Variants in IGSF21 observed in about 807,000 individuals in gnomAD.
The protein encoded by IGSF21 is immunoglobulin superfamily member 21.
IGSF21 carries 28 observed loss-of-function variants against 46.8 expected under a neutral mutation model. The ratio of observed to expected loss-of-function variants is 0.60; its 90% CI spans 0.44 to 0.82. The LOEUF is 0.82. IGSF21 is among the 40% of genes least tolerant of loss of function. The pLI, the probability that IGSF21 is intolerant of heterozygous loss-of-function variation, is 0.00. For synonymous variants in IGSF21, 284 were observed against 273.6 expected, an observed-to-expected ratio of 1.04 and a Z score of -0.38; for missense variants, 624 against 665.5, an observed-to-expected ratio of 0.94 and a Z score of 0.69.
intron 2 of IGSF21, among the ~76,000 whole-genome samples, chr1:18,262,931 A>T (rs549236561): frequency 1.3e-5 from 2 of 152,324 alleles, no homozygotes; most frequent in African/African-American, 4.8e-5. Context: ...AATGGAATGC[A>T]TTGGCCGCTT....
At chr1:18,210,720 G>A (rs894116696) in intron 1 of IGSF21, among the ~76,000 whole-genome samples, 4 of 152,074 alleles carry the variant, frequency 2.6e-5, no homozygotes, top group Admixed American at 6.5e-5. Flanking sequence ...CAGCATCACC[G>A]GTTCCTGCAC....
In IGSF21 at chr1:18,144,374, C is replaced by T. The variant is rs186065576; in HGVS notation, c.70+36176C>T. ...GCCCCATGCCCCCTTGGACTCAGTT[C>T]CCCAGGTCCCACCCAGAGGTAGGGC... is the stretch of plus-strand genomic sequence containing the variant. On this transcript the variant is annotated intron_variant, in intron 1 of 9. Transcript: ENST00000251296. Among the ~76,000 whole-genome samples, 16 of 152,292 alleles carry T rather than the reference C, an allele frequency of 1.1e-4. No homozygotes were observed. The East Asian group carries it at 3.1e-3, about 30-fold the overall frequency.
intron 1 of IGSF21, among the ~76,000 whole-genome samples, chr1:18,204,712 G>A (rs2087108895): frequency 6.6e-6 from 1 of 152,286 alleles, no homozygotes; most frequent in South Asian, 2.1e-4. Flanking sequence ...GTCCTGGAAA[G>A]AGAGATTTAG....
intron 2 of IGSF21, among the ~76,000 whole-genome samples, chr1:18,273,037 A>AT (rs2085057685): frequency 2.2e-5 from 2 of 90,200 alleles, no homozygotes. Flanking sequence ...AGCCAGACGG[A>AT]TCTTTTTTTT....
At chr1:18,331,933 G>A (rs183414785) in intron 3 of IGSF21, among the ~76,000 whole-genome samples, 54 of 152,252 alleles carry the variant, frequency 3.5e-4, no homozygotes, top group Middle Eastern at 3.4e-3. Context: ...GACAGGTCTG[G>A]ACATTCAAGG....
At chr1:18,358,397 A>G (rs552603087) in intron 4 of IGSF21, among the ~76,000 whole-genome samples, 1 of 152,358 alleles carries the variant, frequency 6.6e-6, no homozygotes, top group Non-Finnish European at 1.5e-5. Flanking sequence ...TCAATATGTT[A>G]TCAATATATC....
chr1:18,130,222 C>T (rs1356603366), intron 1 of IGSF21, among the ~76,000 whole-genome samples: 1 of 152,176 alleles, frequency 6.6e-6, no homozygotes, highest in East Asian at 1.9e-4. Flanking sequence ...TGAGGTCTGG[C>T]CTTTGAGTGT....
intron 6 of IGSF21, among the ~76,000 whole-genome samples, chr1:18,373,810 C>G (rs989477981): frequency 6.6e-6 from 1 of 152,200 alleles, no homozygotes; most frequent in South Asian, 2.1e-4. Context: ...GTTCTATGAC[C>G]TGCACAATGG....
At chr1:18,143,928 G>T (rs796680744) in intron 1 of IGSF21, among the ~76,000 whole-genome samples, 1 of 152,082 alleles carries the variant, frequency 6.6e-6, no homozygotes, top group Non-Finnish European at 1.5e-5. Context: ...ACCGGGGCTG[G>T]AGCTATGACT....
intron 2 of IGSF21, among the ~76,000 whole-genome samples, chr1:18,237,189 C>T (rs10907298): frequency 2.0e-5 from 3 of 152,154 alleles, no homozygotes; most frequent in Middle Eastern, 3.4e-3. Flanking sequence ...CAGCCGAGAG[C>T]GTTTAGGGGA....
intron 1 of IGSF21, among the ~76,000 whole-genome samples, chr1:18,116,244 G>A (rs576952661): frequency 6.6e-5 from 10 of 152,196 alleles, no homozygotes; most frequent in African/African-American, 2.2e-4. Flanking sequence ...TCCCTCACCC[G>A]AGAATTGGTT....
rs189133977 is a variant in IGSF21, at chr1:18,330,642, T to C, written c.306-4250T>C. ...GAGAAGGGAAGGTGGGAGACATGGC[T>C]GGAGGAAGGGGCAGGGACATGGGAT... On this transcript the variant is annotated intron_variant, in intron 3 of 9. Coordinates refer to ENST00000251296, the MANE Select transcript of IGSF21 (RefSeq NM_032880.5). Among the ~76,000 whole-genome samples, 59 of 75,920 alleles carry C rather than the reference T, an allele frequency of 7.8e-4. 1 individual carries two copies. The highest frequency in any genetic ancestry group is 1.9e-3 in the African/African-American group (59 of 31,088). The allele number at this position is 75,920 out of a possible 152,430, so 49.8% of individuals were successfully genotyped here. A position where few individuals can be genotyped will look rare whatever the true frequency, so the allele number is the denominator to read the frequency against.
chr1:18,126,144 C>T lies in IGSF21; in HGVS notation c.70+17946C>T, dbSNP rs547201715. The stretch of plus-strand genomic sequence containing the variant: ...CCCATAGAGGTGCCCCAGGGGACCA[C>T]TTTGGGAGGCGAGAATGTGGCTCAA... On this transcript the variant is annotated intron_variant, in intron 1 of 9. Coordinates refer to ENST00000251296, the MANE Select transcript of IGSF21 (RefSeq NM_032880.5). Among the ~76,000 whole-genome samples, 19 of 152,288 alleles carry T rather than the reference C, an allele frequency of 1.2e-4. No homozygotes were observed. In the East Asian group the frequency reaches 3.5e-3, roughly 28 times the overall value.
chr1:18,334,783 T>G lies in IGSF21; in HGVS notation c.306-109T>G. On this transcript the variant is annotated intron_variant, in intron 3 of 9. Transcript: ENST00000251296. This position sits in a 1 kb window ranked among gnomAD's most constrained non-coding sequence, Gnocchi z 4.3. ...CCTCCCAGCCCAGCACACAGGCCTG[T>G]GTTTGTTAGTGGAGGCTGCACCAGT... 5 of 769,594 alleles carry G rather than the reference T, an allele frequency of 6.5e-6. No homozygotes were observed. The highest frequency in any genetic ancestry group is 1.2e-5 in the Non-Finnish European group (5 of 433,876). 47.7% of individuals were successfully genotyped at this position (769,594 alleles called of 1,614,324 possible).
intron 6 of IGSF21, among the ~76,000 whole-genome samples, chr1:18,375,172 T>A (rs978380110): frequency 6.6e-6 from 1 of 152,166 alleles, no homozygotes; most frequent in African/African-American, 2.4e-5. Flanking sequence ...CTGTTTTGCG[T>A]ATGTGTTTGT....
chr1:18,120,440 A>C (rs917313783), intron 1 of IGSF21, among the ~76,000 whole-genome samples: 7 of 152,220 alleles, frequency 4.6e-5, no homozygotes, highest in African/African-American at 2.4e-5. Flanking sequence ...CATACAGATC[A>C]GCCTCCAAAG....
chr1:18,260,557 C>T (rs917153358), intron 2 of IGSF21, among the ~76,000 whole-genome samples: 1 of 152,226 alleles, frequency 6.6e-6, no homozygotes, highest in South Asian at 2.1e-4. Flanking sequence ...TATTTATACC[C>T]ACTTTCAATT....
At chr1:18,362,944 G>C (rs2124631044) in intron 5 of IGSF21, among the ~76,000 whole-genome samples, 1 of 152,248 alleles carries the variant, frequency 6.6e-6, no homozygotes, top group East Asian at 1.9e-4. Context: ...CCCCACTTCT[G>C]CCTCTGTTTC....
At chr1:18,271,261 A>G (rs2085039932) in intron 2 of IGSF21, among the ~76,000 whole-genome samples, 1 of 152,080 alleles carries the variant, frequency 6.6e-6, no homozygotes, top group Non-Finnish European at 1.5e-5. Flanking sequence ...ATTGACACTG[A>G]TGATATCTGT....
Sources: gnomAD v4.1 joint callset for allele counts (sites outside exome capture counted in the v4.1 genomes callset) on GRCh38, gnomAD v4.1.1 for gene constraint, Gnocchi (gnomAD v3.1) non-coding constraint, MANE v1.5 for transcripts, NCBI Gene and HGNC (gene_info 2026-07-23, HGNC 2026-07-21) for gene names.